ARHGAP29: variants seen among roughly 807,000 people sequenced by gnomAD.
ARHGAP29 encodes Rho GTPase activating protein 29.
A neutral mutation model predicts 122.6 loss-of-function variants in ARHGAP29; 43 were observed. The ratio of observed to expected loss-of-function variants is 0.35; its 90% CI spans 0.27 to 0.45. ARHGAP29 has a LOEUF of 0.45. Among genes scored for constraint, ARHGAP29 ranks in the 20% least tolerant of loss-of-function variants. ARHGAP29 has a pLI of 1.00. For missense variants in ARHGAP29, 1,303 were observed against 1,477.2 expected, an observed-to-expected ratio of 0.88 and a Z score of 1.93; for synonymous variants, 506 against 497.1, an observed-to-expected ratio of 1.02 and a Z score of -0.24.
chr1:94,182,663 C>G (rs920170706), intron 19 of ARHGAP29, among the ~76,000 whole-genome samples: 9 of 152,038 alleles, frequency 5.9e-5, no homozygotes, highest in African/African-American at 2.2e-4. Context: ...ATTTTCAGTC[C>G]AAAATATTAG....
rs1652229884 is a variant in ARHGAP29 at position 94,220,451 on chromosome 1, C to A, written c.206-59G>T. 6 of 1,427,208 alleles carry A rather than the reference C, an allele frequency of 4.2e-6. No individual in the cohort carries two copies. In the South Asian group the frequency reaches 6.6e-5, roughly 16 times the overall value. 88.4% of individuals were successfully genotyped at this position (1,427,208 alleles called of 1,614,324 possible). On this transcript the variant is annotated intron_variant, in intron 2 of 22. Coordinates refer to ENST00000260526, the MANE Select transcript of ARHGAP29 (RefSeq NM_004815.4). ...AGCAAAGTTCCACAAATCTAAACTA[C>A]AAAACGTCATCTGAAGCACATTTCA...
intron 1 of ARHGAP29, among the ~76,000 whole-genome samples, chr1:94,234,438 T>G (rs1368127057): frequency 6.6e-6 from 1 of 152,194 alleles, no homozygotes; most frequent in Non-Finnish European, 1.5e-5. Context: ...TGAGGGAAGA[T>G]TACATAAAAC....
chr1:94,211,539 G>A (rs1440498420), intron 3 of ARHGAP29, among the ~76,000 whole-genome samples: 1 of 151,952 alleles, frequency 6.6e-6, no homozygotes, highest in Non-Finnish European at 1.5e-5. Context: ...ACCTGACAAA[G>A]CAAAACACAT....
chr1:94,193,420 C>T (rs1215319411), intron 12 of ARHGAP29: 1 of 150,492 alleles, frequency 6.6e-6, no homozygotes, highest in African/African-American at 2.4e-5. Flanking sequence ...TCAAATTTTT[C>T]AAGAGTCAAA....
Position 94,202,649 on chromosome 1 carries a change from C to T in ARHGAP29, c.1038G>A (p.Met346Ile). 1 of 1,614,172 alleles carries T rather than the reference C, an allele frequency of 6.2e-7. No individual in the cohort carries two copies. The highest frequency in any genetic ancestry group is 8.5e-7 in the Non-Finnish European group (1 of 1,180,032). Residue 346 changes from methionine (M) to isoleucine (I), a missense_variant, in exon 11 of 23, where the codon ATG (methionine) becomes ATA (isoleucine). Physicochemically the swap from Met to Ile is conservative, Grantham distance 10. Around this residue, in one of 3 missense-constraint regions of ARHGAP29, gnomAD observed 592 missense variants for 648.2 expected, o/e 0.91. Coordinates refer to ENST00000260526, the MANE Select transcript of ARHGAP29 (RefSeq NM_004815.4). ...QDEYEKAKSS[M>I]FRAEEEHLSS... ...ACAGATGCTCCTCTTCTGCACGAAACATGGAAGACTTTGCTTTCTCATATT... is the reference window on the plus strand; with the variant it reads ...ACAGATGCTCCTCTTCTGCACGAAATATGGAAGACTTTGCTTTCTCATATT...
At chr1:94,313,707 C>T in the ARHGAP29 span, among the ~76,000 whole-genome samples, 22 of 152,166 alleles carry the variant, frequency 1.4e-4, no homozygotes, top group Non-Finnish European at 2.9e-4. Context: ...TTCACAATAG[C>T]AAAGACTTGG....
intron 2 of ARHGAP29, among the ~76,000 whole-genome samples, chr1:94,226,857 G>T (rs1652642254): frequency 6.6e-6 from 1 of 151,866 alleles, no homozygotes; most frequent in Non-Finnish European, 1.5e-5. Flanking sequence ...TTATTTCTAG[G>T]ATAAGACAGA....
chr1:94,190,986 C>T (rs113751143), intron 12 of ARHGAP29: 4 of 151,782 alleles, frequency 2.6e-5, no homozygotes, highest in African/African-American at 7.3e-5. Context: ...AACTGCGAGC[C>T]GATGTAAGAA....
At chr1:94,313,427 A>G in the ARHGAP29 span, among the ~76,000 whole-genome samples, 1 of 152,170 alleles carries the variant, frequency 6.6e-6, no homozygotes, top group African/African-American at 2.4e-5. Context: ...TTTAAAGTGT[A>G]TCTCCCCCCA....
rs909855055 is a variant in ARHGAP29, at chr1:94,203,910, G to A, written c.762+20C>T. 23 of 1,610,436 alleles carry A rather than the reference G, an allele frequency of 1.4e-5. No individual in the cohort carries two copies. Among genetic ancestry groups the A allele is most frequent in the Non-Finnish European group, 1.9e-5 (22 of 1,177,504 alleles). ...AGTAGTTTCTTATTATAGAACCCCC[G>A]AAGTTCACAGAACACTTACCTGAAT... On this transcript the variant is annotated intron_variant, in intron 8 of 22. Coordinates refer to ENST00000260526, the MANE Select transcript of ARHGAP29 (RefSeq NM_004815.4).
rs6664141 is a variant in ARHGAP29, at chr1:94,204,202, G to T, written c.698-208C>A. ...TCACTACGTTGCCGAGGCTGGTCTC[G>T]AACTCCCAGGCTCAAGTGATCTTCC... On this transcript the variant is annotated intron_variant, in intron 7 of 22. Coordinates refer to ENST00000260526, the MANE Select transcript of ARHGAP29 (RefSeq NM_004815.4). Among the ~76,000 whole-genome samples, 917 of 151,670 alleles carry T rather than the reference G, an allele frequency of 6.0e-3. 1 individual carries two copies. Among genetic ancestry groups the T allele is most frequent in the Non-Finnish European group, 0.01 (710 of 67,956 alleles).
intron 3 of ARHGAP29, among the ~76,000 whole-genome samples, chr1:94,212,561 T>C (rs1015949641): frequency 1.3e-5 from 2 of 152,346 alleles, no homozygotes; most frequent in East Asian, 1.9e-4. Flanking sequence ...TATCCAAAAT[T>C]GTATAATTAT....
intron 1 of ARHGAP29, among the ~76,000 whole-genome samples, chr1:94,265,326 G>A (rs1331149885): frequency 6.6e-6 from 1 of 152,186 alleles, no homozygotes; most frequent in African/African-American, 2.4e-5. Flanking sequence ...GCCCTGGCAG[G>A]CATGACCTCG....
At chr1:94,295,508 G>T in the ARHGAP29 span, among the ~76,000 whole-genome samples, 1 of 151,976 alleles carries the variant, frequency 6.6e-6, no homozygotes, top group African/African-American at 2.4e-5. Flanking sequence ...TTTCAGAAAT[G>T]GAGCGATTCT....
rs1557844983 is a variant in ARHGAP29 at position 94,186,615 on chromosome 1, ATACAAT to A, written c.1682-24_1682-19del. On this transcript the variant is annotated intron_variant, in intron 15 of 22. Transcript: ENST00000260526. ...AAAGTCTCCTAGAAGAAAATTGTGG[ATACAAT>A]TACCTGACCATTCATTGTAGAATCT... The A allele has an allele frequency of 6.5e-7, 1 of 1,538,178 alleles. No individual in the cohort carries two copies. The highest frequency in any genetic ancestry group is 1.7e-5 in the Admixed American group (1 of 59,730).
the ARHGAP29 span, among the ~76,000 whole-genome samples, chr1:94,296,807 A>G: frequency 1.3e-5 from 2 of 152,248 alleles, no homozygotes; most frequent in African/African-American, 2.4e-5. Flanking sequence ...GGGCAAACTG[A>G]TAATGCATAT....
chr1:94,222,478 T>C (rs895659818), intron 2 of ARHGAP29, among the ~76,000 whole-genome samples: 1 of 152,120 alleles, frequency 6.6e-6, no homozygotes, highest in African/African-American at 2.4e-5. Flanking sequence ...GTAATCTTCC[T>C]CCCAATATCC....
At chr1:94,241,663 AT>A (rs1653582560), upstream of ARHGAP29, among the ~76,000 whole-genome samples, 1 of 145,410 alleles carries the variant, frequency 6.9e-6, no homozygotes, top group Non-Finnish European at 1.5e-5. Context: ...TCTTATATAT[AT>A]AATTATATAT....
At chr1:94,293,842 T>C in the ARHGAP29 span, among the ~76,000 whole-genome samples, 5 of 152,150 alleles carry the variant, frequency 3.3e-5, no homozygotes, top group Non-Finnish European at 7.4e-5. Flanking sequence ...TTATGAAGGC[T>C]TCATTACATA....
Sources: allele counts gnomAD v4.1 joint callset (sites outside exome capture counted in the v4.1 genomes callset), GRCh38; gene constraint gnomAD v4.1.1; regional missense constraint gnomAD v4.1.1; transcripts MANE v1.5; gene names NCBI Gene and HGNC (gene_info 2026-07-23, HGNC 2026-07-21).